The following C1orf174 variants were observed in gnomAD, a reference collection of about 807,000 sequenced individuals.
C1orf174 encodes UPF0688 protein C1orf174.
In C1orf174, 13 loss-of-function variants were observed where a neutral mutation model predicts 18.4. The ratio of observed to expected loss-of-function variants is 0.71; its 90% CI spans 0.46 to 1.12. The LOEUF (loss-of-function observed/expected upper bound fraction) is 1.12. Among genes scored for constraint, C1orf174 ranks in the 50% most tolerant of loss-of-function variants. C1orf174 has a pLI of 0.00. For missense variants in C1orf174, 309 were observed against 308.0 expected, an observed-to-expected ratio of 1.00 and a Z score of -0.02; for synonymous variants, 100 against 118.3, an observed-to-expected ratio of 0.85 and a Z score of 1.01.
At chr1:3,898,555 A>AACAACAAC (rs1557741905) in intron 1 of C1orf174, among the ~76,000 whole-genome samples, 3 of 135,592 alleles carry the variant, frequency 2.2e-5, no homozygotes, top group Non-Finnish European at 5.0e-5. Flanking sequence ...ACAACAACAA[A>AACAACAAC]ACTCACTTTA....
chr1:3,894,357 C>T (rs1261434224), intron 1 of C1orf174, among the ~76,000 whole-genome samples: 1 of 152,080 alleles, frequency 6.6e-6, no homozygotes, highest in Non-Finnish European at 1.5e-5. Context: ...GCTGTAATCC[C>T]AGCACTTTGG....
rs983719784 is a variant in C1orf174 at position 3,889,453 on chromosome 1, T to C, written c.*507A>G. 6.4e-6 allele frequency: 1 copy of C among 156,512 alleles called. No homozygotes were observed. The highest frequency in any genetic ancestry group is 2.4e-5 in the African/African-American group (1 of 41,454). The allele number at this position is 156,512 out of a possible 1,614,324, so 9.7% of individuals were successfully genotyped here. A position where few individuals can be genotyped will look rare whatever the true frequency, so the allele number is the denominator to read the frequency against. On this transcript the variant is annotated 3_prime_UTR_variant, in exon 4 of 4. Transcript: ENST00000361605. ...GCTCGCGCCTGTAATCCCAGCACTT[T>C]GGGAGGCTGAGGCGGGCGTATCACG...
intron 1 of C1orf174, among the ~76,000 whole-genome samples, chr1:3,894,767 C>T (rs971838643): frequency 1.1e-4 from 16 of 152,148 alleles, no homozygotes; most frequent in African/African-American, 2.9e-4. Flanking sequence ...AGCAGCCCAC[C>T]GGAGGCCAGG....
Position 3,892,997 on chromosome 1 carries a change from C to T in C1orf174, c.16-1G>A. 1.9e-6 allele frequency: 3 copies of T among 1,613,640 alleles called. No homozygotes were observed. Among genetic ancestry groups the T allele is most frequent in the Non-Finnish European group, 1.7e-6 (2 of 1,179,820 alleles). On this transcript the variant is annotated splice_acceptor_variant, in intron 1 of 3. Transcript: ENST00000361605. LOFTEE classifies it high-confidence loss of function. ...CTGAAGACCGCACTGCACCTGTGAG[C>T]TAGAGAGATTGAGAGCCACTCAGAG...
At chr1:3,900,042 G>A in intron 1 of C1orf174, 130 bp downstream of exon 1, 3 of 1,163,422 alleles carry the variant, frequency 2.6e-6, no homozygotes, top group Non-Finnish European at 3.4e-6. Flanking sequence ...CTACTGCCGG[G>A]GGCGAGGCCC....
chr1:3,899,434 T>C (rs1638666625), intron 1 of C1orf174, among the ~76,000 whole-genome samples: 1 of 152,150 alleles, frequency 6.6e-6, no homozygotes, highest in Admixed American at 6.5e-5. Flanking sequence ...GGGTCCACTG[T>C]GAAAAGGGTC....
chr1:3,898,163 T>C (rs1384430251), intron 1 of C1orf174, among the ~76,000 whole-genome samples: 1 of 152,138 alleles, frequency 6.6e-6, no homozygotes, highest in African/African-American at 2.4e-5. Flanking sequence ...TTCAAACATA[T>C]TCAACATGCT....
At chr1:3,893,715 C>T (rs1425676594) in intron 1 of C1orf174, among the ~76,000 whole-genome samples, 3 of 152,030 alleles carry the variant, frequency 2.0e-5, no homozygotes, top group African/African-American at 2.4e-5. Context: ...GGCAATACAG[C>T]GAAAGCCCAT....
rs961899892 is a variant in C1orf174 at position 3,890,947 on chromosome 1, G to A, written c.240C>T (p.Ser80=). Residue 80 remains serine, a synonymous_variant, in exon 3 of 4, where the codon AGC becomes AGT. Transcript: ENST00000361605. ...ELQKLVPKND[S]ASLPKVTPET... is the part of the protein sequence containing the mutation. ...CAGGTGTCACTTTTGGCAAAGAAGCGCTGTCATTCTTAGGGACAAGCTTCT... is the reference window on the plus strand; with the variant it reads ...CAGGTGTCACTTTTGGCAAAGAAGCACTGTCATTCTTAGGGACAAGCTTCT... 1.2e-6 allele frequency: 2 copies of A among 1,614,116 alleles called. No homozygotes were observed. The highest frequency in any genetic ancestry group is 8.5e-7 in the Non-Finnish European group (1 of 1,180,020).
At chr1:3,893,609 A>G (rs1451439085) in intron 1 of C1orf174, among the ~76,000 whole-genome samples, 1 of 152,272 alleles carries the variant, frequency 6.6e-6, no homozygotes, top group Non-Finnish European at 1.5e-5. Flanking sequence ...AAAATAGTAC[A>G]AAGAAACTGG....
chr1:3,898,463 A>T (rs1324122511), intron 1 of C1orf174, among the ~76,000 whole-genome samples: 1 of 151,922 alleles, frequency 6.6e-6, no homozygotes, highest in Non-Finnish European at 1.5e-5. Context: ...GGCCGAGATC[A>T]CACCTCTGCA....
intron 1 of C1orf174, among the ~76,000 whole-genome samples, chr1:3,897,155 A>G (rs1638620147): frequency 6.6e-6 from 1 of 152,224 alleles, no homozygotes; most frequent in African/African-American, 2.4e-5. Flanking sequence ...AGAAAAAGAA[A>G]AGTAGGCTCA....
At chr1:3,890,502 G>A (rs1638485380) in intron 3 of C1orf174, 67 bp downstream of exon 3, 1 of 1,579,296 alleles carries the variant, frequency 6.3e-7, no homozygotes, top group Non-Finnish European at 8.6e-7. Context: ...ACTGAGTGGG[G>A]AGTGTGTGAC....
chr1:3,892,599 C>T (rs1179237999), intron 2 of C1orf174: 7 of 473,056 alleles, frequency 1.5e-5, no homozygotes, highest in East Asian at 6.7e-5. Context: ...GATCAGGGCC[C>T]GGGTCTAGAC....
chr1:3,894,607 A>AAT, intron 1 of C1orf174, among the ~76,000 whole-genome samples: 1 of 14,426 alleles, frequency 6.9e-5, no homozygotes, highest in Non-Finnish European at 1.8e-4. Flanking sequence ...ACTCCGTCTC[A>AAT]AAAAAAAAAA....
intron 1 of C1orf174, among the ~76,000 whole-genome samples, chr1:3,893,234 T>C (rs1453588907): frequency 1.3e-5 from 2 of 152,206 alleles, no homozygotes; most frequent in Admixed American, 1.3e-4. Context: ...CTGTCCCCCT[T>C]ATCTTGTATA....
At chr1:3,890,471 G>T in intron 3 of C1orf174, 98 bp downstream of exon 3, 1 of 1,474,078 alleles carries the variant, frequency 6.8e-7, no homozygotes, top group Non-Finnish European at 9.2e-7. Context: ...TTAATGTTGT[G>T]TCGAGGCATT....
intron 3 of C1orf174, 46 bp from the exon 4 acceptor site, chr1:3,890,119 C>A: frequency 6.8e-7 from 1 of 1,472,184 alleles, no homozygotes; most frequent in Non-Finnish European, 9.5e-7. Context: ...CAATACATAT[C>A]TGCACCCGCA....
chr1:3,891,039 C>A lies in C1orf174; in HGVS notation c.148G>T (p.Ala50Ser), dbSNP rs759409657. Reference protein sequence around the residue: ...TACLTSSSHKATDTRTSKKFK... With the variant: ...TACLTSSSHKSTDTRTSKKFK... ...TTCTTGGACGTTCGCGTGTCTGTGG[C>A]TTTGTGGGATGAGGAAGTCTGTCAA... The change falls in exon 3 of 4, where the codon GCC becomes TCC. Residue 50 changes from alanine to serine, a missense_variant. Physicochemically the swap from Ala to Ser is moderately conservative, Grantham distance 99. Coordinates refer to ENST00000361605, the MANE Select transcript of C1orf174 (RefSeq NM_207356.3). 6.2e-7 allele frequency: 1 copy of A among 1,611,306 alleles called. No homozygotes were observed. Among genetic ancestry groups the A allele is most frequent in the East Asian group, 2.2e-5 (1 of 44,858 alleles).
Sources: gnomAD v4.1 joint callset for allele counts (sites outside exome capture counted in the v4.1 genomes callset) on GRCh38, gnomAD v4.1.1 for gene constraint, MANE v1.5 for transcripts, NCBI Gene and HGNC (gene_info 2026-07-23, HGNC 2026-07-21) for gene names.